Variants in USP13 observed in about 807,000 individuals in gnomAD.
The protein encoded by USP13 is ubiquitin specific peptidase 13, also known as ubiquitin carboxyl-terminal hydrolase 13.
USP13 carries 68 observed loss-of-function variants against 107.8 expected under a neutral mutation model. The observed-to-expected ratio is 0.63, with a 90% confidence interval of 0.52 to 0.77. USP13 has a LOEUF of 0.77. Among genes scored for constraint, USP13 ranks in the 30% least tolerant of loss-of-function variants. USP13 has a pLI of 0.00. For missense variants in USP13, 945 were observed against 1,093.3 expected (o/e 0.86, Z 1.91); for synonymous variants, 377 against 389.5 (o/e 0.97, Z 0.38).
chr3:179,785,047 G>A lies in USP13; in HGVS notation c.*906G>A, dbSNP rs1023733511. 1 of 152,180 alleles carries A rather than the reference G, an allele frequency of 6.6e-6. No individual in the cohort carries two copies. Among genetic ancestry groups the A allele is most frequent in the African/African-American group, 2.4e-5 (1 of 41,430 alleles). The allele number at this position is 152,180 out of a possible 1,614,324, so 9.4% of individuals were successfully genotyped here. On this transcript the variant is annotated 3_prime_UTR_variant, in exon 21 of 21. Transcript: ENST00000263966. Reference sequence around the variant, plus strand: ...AGCATAATATTGTACTTTGTCAAAGGTAGGTAAATTCTCTGTTTCTCAGCA... The same window carrying A: ...AGCATAATATTGTACTTTGTCAAAGATAGGTAAATTCTCTGTTTCTCAGCA...
At chr3:179,723,135 C>T (rs1455442481) in intron 8 of USP13, among the ~76,000 whole-genome samples, 2 of 152,284 alleles carry the variant, frequency 1.3e-5, no homozygotes, top group African/African-American at 4.8e-5. Context: ...AGGAATAGTC[C>T]AGGTCATGTT....
intron 17 of USP13, among the ~76,000 whole-genome samples, chr3:179,761,486 G>A (rs113506985): frequency 6.6e-5 from 10 of 152,220 alleles, no homozygotes; most frequent in Non-Finnish European, 4.4e-5. Flanking sequence ...CACTTTGGGA[G>A]GCCAAGGCAG....
At chr3:179,702,058 T>C (rs34197007) in intron 4 of USP13, among the ~76,000 whole-genome samples, 26,511 of 152,090 alleles carry the variant, frequency 0.17, 2,563 homozygotes, top group Non-Finnish European at 0.2. Context: ...CTCGCTCTGT[T>C]GCCCAGGCTG....
At chr3:179,744,327 G>A (rs914247794) in intron 12 of USP13, among the ~76,000 whole-genome samples, 1 of 151,308 alleles carries the variant, frequency 6.6e-6, no homozygotes, top group Non-Finnish European at 1.5e-5. Context: ...CTTGCCAGGC[G>A]CTTAGTGGTG....
At chr3:179,696,328 ATTTTTTTTT>A (rs4041265) in intron 3 of USP13, among the ~76,000 whole-genome samples, 2 of 117,704 alleles carry the variant, frequency 1.7e-5, no homozygotes, top group East Asian at 4.8e-4. Context: ...GCCATTAGGC[ATTTTTTTTT>A]TTTTTTTTTT....
At position 179,678,751 on chromosome 3, in the gene USP13, C is replaced by T. The variant is rs894164436; in HGVS notation, c.169-3127C>T. 1.3e-5 allele frequency among the ~76,000 whole-genome samples: 2 copies of T among 152,158 alleles called. No individual in the cohort carries two copies. The highest frequency in any genetic ancestry group is 4.8e-5 in the African/African-American group (2 of 41,454). ...CTGGGATTGGATGCTGTTTTGAAGTCAAGCTTTAAAAATTTCATTTGCAAG... is the reference window on the plus strand; with the variant it reads ...CTGGGATTGGATGCTGTTTTGAAGTTAAGCTTTAAAAATTTCATTTGCAAG... On this transcript the variant is annotated intron_variant, in intron 1 of 20. Transcript: ENST00000263966. This position sits in a 1 kb window ranked among gnomAD's most constrained non-coding sequence, Gnocchi z 4.2.
At chr3:179,656,168 C>T (rs772709666) in intron 1 of USP13, among the ~76,000 whole-genome samples, 21 of 152,130 alleles carry the variant, frequency 1.4e-4, no homozygotes, top group Non-Finnish European at 2.5e-4. Context: ...GAAGATACAA[C>T]GTGTGAATAT....
chr3:179,757,802 T>C (rs1714857852), intron 16 of USP13, among the ~76,000 whole-genome samples: 1 of 152,218 alleles, frequency 6.6e-6, no homozygotes, highest in African/African-American at 2.4e-5. Context: ...GTCTCCTTTC[T>C]TGAAACAATT....
intron 14 of USP13, 35 bp downstream of exon 14, chr3:179,752,408 C>A: frequency 6.7e-7 from 1 of 1,497,832 alleles, no homozygotes; most frequent in Non-Finnish European, 9.3e-7. Context: ...CTTAAAACAT[C>A]AAATGAGCCA....
chr3:179,671,493 T>TA (rs1285999752), intron 1 of USP13, among the ~76,000 whole-genome samples: 1 of 152,126 alleles, frequency 6.6e-6, no homozygotes, highest in African/African-American at 2.4e-5. Context: ...GATAACAACA[T>TA]ACGCCAGGAA....
At chr3:179,781,684 G>A (rs1400928719) in intron 19 of USP13, 55 bp from the exon 20 acceptor site, 10 of 1,490,268 alleles carry the variant, frequency 6.7e-6, no homozygotes, top group Non-Finnish European at 9.4e-6. Flanking sequence ...CTAACCAGAA[G>A]TGCTCTTCAT....
chr3:179,778,860 T>G (rs1371359573), intron 19 of USP13, among the ~76,000 whole-genome samples: 1 of 148,900 alleles, frequency 6.7e-6, no homozygotes, highest in Non-Finnish European at 1.5e-5. Flanking sequence ...GCAACAGGAG[T>G]GAGGGCGGGT....
chr3:179,701,270 A>T, intron 4 of USP13, 141 bp downstream of exon 4: 1 of 1,096,750 alleles, frequency 9.1e-7, no homozygotes, highest in Non-Finnish European at 1.3e-6. Flanking sequence ...ATGAGCATGA[A>T]CACGCACATA....
intron 17 of USP13, 83 bp from the exon 18 acceptor site, chr3:179,763,919 C>T: frequency 7.0e-7 from 1 of 1,424,960 alleles, no homozygotes; most frequent in Non-Finnish European, 9.2e-7. Context: ...TTTGTAGAAT[C>T]ATGTTTTTCC....
intron 10 of USP13, among the ~76,000 whole-genome samples, chr3:179,733,678 G>A (rs9824503): frequency 0.077 from 11,792 of 152,256 alleles, 972 homozygotes; most frequent in African/African-American, 0.19. Context: ...TGAGAGGAAT[G>A]TATGGTGTGG....
At position 179,745,942 on chromosome 3, in the gene USP13, C is replaced by T. The variant is rs991161757; in HGVS notation, c.1709+725C>T. Among the ~76,000 whole-genome samples the T allele has an allele frequency of 5.9e-5, 9 of 151,984 alleles. No homozygotes were observed. The South Asian group carries it at 8.3e-4, about 14-fold the overall frequency. On this transcript the variant is annotated intron_variant, in intron 13 of 20. Coordinates refer to ENST00000263966, the MANE Select transcript of USP13 (RefSeq NM_003940.3). ...GCCACCCTAGTTGATTTGATGCAGT[C>T]GAGTCCTTGCCAACACACTTCATAT...
chr3:179,775,578 C>T (rs1411914519), intron 19 of USP13, among the ~76,000 whole-genome samples: 1 of 152,210 alleles, frequency 6.6e-6, no homozygotes, highest in Non-Finnish European at 1.5e-5. Context: ...GGGCGGTGCC[C>T]CTCGGGGAGG....
At chr3:179,705,747 G>A (rs1297040338) in intron 4 of USP13, among the ~76,000 whole-genome samples, 1 of 151,702 alleles carries the variant, frequency 6.6e-6, no homozygotes, top group Non-Finnish European at 1.5e-5. Context: ...TTTGAGACAG[G>A]GTTTCTCTCC....
At chr3:179,732,265 A>T (rs1713834730) in intron 10 of USP13, among the ~76,000 whole-genome samples, 1 of 152,218 alleles carries the variant, frequency 6.6e-6, no homozygotes. Flanking sequence ...GTATGGGGTT[A>T]TCCAGGCTTC....
Sources: allele counts gnomAD v4.1 joint callset (sites outside exome capture counted in the v4.1 genomes callset), GRCh38; gene constraint gnomAD v4.1.1; non-coding constraint Gnocchi (gnomAD v3.1); transcripts MANE v1.5; gene names NCBI Gene and HGNC (gene_info 2026-07-23, HGNC 2026-07-21).